The following KIF5B variants were observed in gnomAD, a reference collection of about 807,000 sequenced individuals.
KIF5B encodes the protein kinesin-1 heavy chain.
A neutral mutation model predicts 132.8 loss-of-function variants in KIF5B; 49 were observed. That is an observed-to-expected ratio of 0.37 (90% CI 0.29 to 0.47). The LOEUF (loss-of-function observed/expected upper bound fraction) is 0.47. KIF5B is among the 20% of genes least tolerant of loss of function. The pLI, the probability that KIF5B is intolerant of heterozygous loss-of-function variation, is 1.00. For synonymous variants in KIF5B, 355 were observed against 369.4 expected, an observed-to-expected ratio of 0.96 and a Z score of 0.45; for missense variants, 780 against 1,144.0, an observed-to-expected ratio of 0.68 and a Z score of 4.59.
At chr10:32,017,606 G>A (rs1841193367) in intron 23 of KIF5B, among the ~76,000 whole-genome samples, 1 of 151,972 alleles carries the variant, frequency 6.6e-6, no homozygotes, top group South Asian at 2.1e-4. Context: ...CCTCTACTAG[G>A]CAAAGACAAT....
intron 10 of KIF5B, 99 bp from the exon 11 acceptor site, chr10:32,034,937 T>C (rs1841445739): frequency 1.2e-6 from 1 of 867,742 alleles, no homozygotes; most frequent in African/African-American, 1.8e-5. Flanking sequence ...AACTTATGCT[T>C]GTCCAGTAAT....
intron 15 of KIF5B, among the ~76,000 whole-genome samples, chr10:32,027,397 A>T (rs2132593373): frequency 6.6e-6 from 1 of 152,306 alleles, no homozygotes; most frequent in African/African-American, 2.4e-5. Context: ...GTATCTTTAA[A>T]AAGATTAGGA....
Position 32,056,161 on chromosome 10 carries a change from T to A in KIF5B, c.-188A>T. Reference sequence around the variant, plus strand: ...CTTGAAGAGCCGGCGCCGGCAGCCGTTAACCCTAATGCTCACTTCCGATCC... The same window carrying A: ...CTTGAAGAGCCGGCGCCGGCAGCCGATAACCCTAATGCTCACTTCCGATCC... On this transcript the variant is annotated 5_prime_UTR_variant, in exon 1 of 26. Transcript: ENST00000302418. 1.6e-6 allele frequency: 1 copy of A among 622,898 alleles called. No individual in the cohort carries two copies. The highest frequency in any genetic ancestry group is 2.7e-6 in the Non-Finnish European group (1 of 368,766). The allele number at this position is 622,898 out of a possible 1,614,324, so 38.6% of individuals were successfully genotyped here. A position where few individuals can be genotyped will look rare whatever the true frequency, so the allele number is the denominator to read the frequency against.
At position 32,011,078 on chromosome 10, in the gene KIF5B, C is replaced by T. The variant is rs1369264033; in HGVS notation, c.*459G>A. ...TTAAAGACATTTAACCTAAATGTTCCATTTTCTCTTAAGAAAAAAAAAGGA... is the reference window on the plus strand; with the variant it reads ...TTAAAGACATTTAACCTAAATGTTCTATTTTCTCTTAAGAAAAAAAAAGGA... On this transcript the variant is annotated 3_prime_UTR_variant, in exon 26 of 26. Transcript: ENST00000302418. The T allele has an allele frequency of 1.3e-5, 2 of 151,800 alleles. No homozygotes were observed. The highest frequency in any genetic ancestry group is 2.4e-5 in the African/African-American group (1 of 41,296). 9.4% of individuals were successfully genotyped at this position (151,800 alleles called of 1,614,324 possible).
At chr10:32,015,382 A>T in intron 25 of KIF5B, 127 bp downstream of exon 25, 2 of 640,656 alleles carry the variant, frequency 3.1e-6, no homozygotes, top group South Asian at 4.4e-5. Context: ...ATCAAACTAA[A>T]TTACTTTTAT....
chr10:32,014,010 C>T (rs570775326), intron 25 of KIF5B, among the ~76,000 whole-genome samples: 46 of 152,246 alleles, frequency 3.0e-4, no homozygotes, highest in African/African-American at 1.1e-3. Flanking sequence ...AAACAAGCAA[C>T]ATTAAAATAA....
In KIF5B at chr10:32,022,148, C is replaced by A; in HGVS notation, c.2024G>T (p.Arg675Leu). Reference sequence around the variant, plus strand: ...ACAGTTGGAAGCTATACCTTGTGCTCGAAGCTGGACTAGTTCTTCACTGAG... The same window carrying A: ...ACAGTTGGAAGCTATACCTTGTGCTAGAAGCTGGACTAGTTCTTCACTGAG... Reference protein sequence around the residue: ...DALSEELVQLRAQEKVHEMEK... With the variant: ...DALSEELVQLLAQEKVHEMEK... The change falls in exon 17 of 26, where the codon CGA (arginine) becomes CTA (leucine). Residue 675 changes from arginine to leucine, a missense_variant. By Grantham distance (102) the Arg-to-Leu change is moderately radical (BLOSUM62 -2). Coordinates refer to ENST00000302418, the MANE Select transcript of KIF5B (RefSeq NM_004521.3). The A allele has an allele frequency of 6.4e-7, 1 of 1,566,108 alleles. No homozygotes were observed. Among genetic ancestry groups the A allele is most frequent in the Non-Finnish European group, 8.8e-7 (1 of 1,141,880 alleles).
At chr10:32,034,553 ATTTT>A (rs1248144879) in intron 11 of KIF5B, 133 bp downstream of exon 11, 1 of 581,164 alleles carries the variant, frequency 1.7e-6, no homozygotes. Context: ...ATTTCTATTA[ATTTT>A]TTTAAAAATT....
rs550730697 is a variant in KIF5B, at chr10:32,028,290, C to T, written c.1725+138G>A. The T allele has an allele frequency of 2.6e-5, 16 of 626,722 alleles. No individual in the cohort carries two copies. In the Admixed American group the frequency reaches 2.6e-4, roughly 10 times the overall value. The allele number at this position is 626,722 out of a possible 1,614,324, so 38.8% of individuals were successfully genotyped here. The stretch of plus-strand genomic sequence containing the variant: ...GCTCTCTCCTGATCTATTTAAAATG[C>T]GGTTAATAACATCTACTACACGACT... On this transcript the variant is annotated intron_variant, in intron 15 of 25. Coordinates refer to ENST00000302418, the MANE Select transcript of KIF5B (RefSeq NM_004521.3).
chr10:32,030,954 C>T, intron 14 of KIF5B, 119 bp downstream of exon 14: 1 of 692,240 alleles, frequency 1.4e-6, no homozygotes, highest in South Asian at 1.9e-5. Flanking sequence ...AAACCCGAGT[C>T]CTTGAAAATT....
chr10:32,028,565 A>C lies in KIF5B; in HGVS notation c.1588T>G (p.Leu530Val). The C allele has an allele frequency of 6.2e-7, 1 of 1,609,278 alleles. No individual in the cohort carries two copies. The highest frequency in any genetic ancestry group is 8.5e-7 in the Non-Finnish European group (1 of 1,178,478). ...SDELNQKSAT[L>V]ASIDAELQKL... ...TGAAGCTCAGCATCTATACTCGCTA[A>C]AGTTGCCTAAGAGAACCCAAAACAA... The change falls in exon 15 of 26, where the codon TTA becomes GTA. Residue 530 changes from leucine to valine, a missense_variant. Coordinates refer to ENST00000302418, the MANE Select transcript of KIF5B (RefSeq NM_004521.3).
Position 32,022,829 on chromosome 10 carries a change from A to G in KIF5B, c.1914+19T>C. 6.7e-7 allele frequency: 1 copy of G among 1,493,412 alleles called. No homozygotes were observed. 92.5% of individuals were successfully genotyped at this position (1,493,412 alleles called of 1,614,324 possible). On this transcript the variant is annotated intron_variant, in intron 16 of 25. Transcript: ENST00000302418. Reference sequence around the variant, plus strand: ...GTGGCTGTTTCAAAAAAATGAATAAACTTTGTTCTATAACATACTTGAGAG... The same window carrying G: ...GTGGCTGTTTCAAAAAAATGAATAAGCTTTGTTCTATAACATACTTGAGAG...
At chr10:32,021,198 G>C (rs764029326) in intron 18 of KIF5B, 28 bp downstream of exon 18, 1 of 1,606,634 alleles carries the variant, frequency 6.2e-7, no homozygotes, top group African/African-American at 1.3e-5. Flanking sequence ...ATTAATTAAA[G>C]CTGTTAGAAA....
At chr10:32,025,235 C>G (rs1592442573) in intron 15 of KIF5B, among the ~76,000 whole-genome samples, 1 of 152,208 alleles carries the variant, frequency 6.6e-6, no homozygotes, top group East Asian at 1.9e-4. Flanking sequence ...GATAGGAATG[C>G]AAAATGTTTC....
At chr10:32,034,628 A>G (rs1228704199) in intron 11 of KIF5B, 62 bp downstream of exon 11, 2 of 1,256,394 alleles carry the variant, frequency 1.6e-6, no homozygotes, top group African/African-American at 3.1e-5. Flanking sequence ...AACTATTTCT[A>G]CGTTTCTATG....
chr10:32,026,669 C>T (rs1441066948), intron 15 of KIF5B, among the ~76,000 whole-genome samples: 34 of 151,760 alleles, frequency 2.2e-4, no homozygotes, highest in Admixed American at 1.8e-3. Context: ...AAACCATTTC[C>T]ACTCTCTCTT....
At position 32,018,300 on chromosome 10, in the gene KIF5B, G is replaced by C. The variant is rs749008157; in HGVS notation, c.2439+16C>G. On this transcript the variant is annotated intron_variant, in intron 22 of 25. Transcript: ENST00000302418. ...CACCATTTATGCAAACGCCTACCTC[G>C]GCATAGTTACATTACCTTTTTAACT... The C allele has an allele frequency of 1.3e-6, 2 of 1,495,560 alleles. No homozygotes were observed. Among genetic ancestry groups the C allele is most frequent in the African/African-American group, 1.4e-5 (1 of 71,270 alleles). The allele number at this position is 1,495,560 out of a possible 1,614,324, so 92.6% of individuals were successfully genotyped here.
intron 14 of KIF5B, among the ~76,000 whole-genome samples, chr10:32,030,362 C>G (rs1564466435): frequency 6.6e-6 from 1 of 151,898 alleles, no homozygotes; most frequent in Non-Finnish European, 1.5e-5. Flanking sequence ...ACTAAAAATA[C>G]AAAATGAGCC....
At chr10:32,038,109 TAAAA>T (rs373407112) in intron 6 of KIF5B, 50 bp downstream of exon 6, 32 of 965,154 alleles carry the variant, frequency 3.3e-5, no homozygotes, top group Non-Finnish European at 4.1e-5. Context: ...GACTCTGTCT[TAAAA>T]AAAAAAAAAA....
Sources: allele counts gnomAD v4.1 joint callset (sites outside exome capture counted in the v4.1 genomes callset), GRCh38; gene constraint gnomAD v4.1.1; transcripts MANE v1.5; gene names NCBI Gene and HGNC (gene_info 2026-07-23, HGNC 2026-07-21).